The following VAV3 variants were observed in gnomAD, a reference collection of about 807,000 sequenced individuals.
VAV3 encodes guanine nucleotide exchange factor VAV3.
VAV3 carries 94 observed loss-of-function variants against 131.2 expected under a neutral mutation model. That is an observed-to-expected ratio of 0.72 (90% CI 0.61 to 0.85). The LOEUF (loss-of-function observed/expected upper bound fraction) is 0.85, where lower values mean the gene tolerates loss of function less well. Ranked by LOEUF, VAV3 falls within the 40% of genes least tolerant of loss-of-function variation. The pLI is 0.00. For missense variants in VAV3, 939 were observed against 1,002.7 expected, an observed-to-expected ratio of 0.94 and a Z score of 0.86; for synonymous variants, 349 against 342.0, an observed-to-expected ratio of 1.02 and a Z score of -0.22.
chr1:107,726,631 A>C (rs991664433), intron 15 of VAV3, among the ~76,000 whole-genome samples: 3 of 152,186 alleles, frequency 2.0e-5, no homozygotes, highest in African/African-American at 7.2e-5. Flanking sequence ...GTTTACAGTT[A>C]ATTTCTTTGG....
chr1:107,916,882 T>C (rs1384978045), intron 1 of VAV3, among the ~76,000 whole-genome samples: 1 of 152,010 alleles, frequency 6.6e-6, no homozygotes, highest in Non-Finnish European at 1.5e-5. Context: ...GGGCCACAAA[T>C]GATGGTTAGG....
Position 107,898,185 on chromosome 1 carries a change from C to T in VAV3, c.205-23168G>A, listed in dbSNP as rs897736368. Among the ~76,000 whole-genome samples, 33 of 151,834 alleles carry T rather than the reference C, an allele frequency of 2.2e-4. 1 individual carries two copies. The highest frequency in any genetic ancestry group is 9.8e-4 in the Admixed American group (15 of 15,242). The stretch of plus-strand genomic sequence containing the variant: ...AAATATGGGGGAACGAGTATCATCA[C>T]GTGAATACATATATATAATGCATGT... On this transcript the variant is annotated intron_variant, in intron 1 of 26. Coordinates refer to ENST00000370056, the MANE Select transcript of VAV3 (RefSeq NM_006113.5).
intron 15 of VAV3, among the ~76,000 whole-genome samples, chr1:107,725,147 T>A (rs1371586115): frequency 6.6e-6 from 1 of 151,922 alleles, no homozygotes; most frequent in Non-Finnish European, 1.5e-5. Flanking sequence ...GGCATGTCGG[T>A]TTAGAGAGGT....
intron 25 of VAV3, among the ~76,000 whole-genome samples, chr1:107,593,366 A>G (rs1651118625): frequency 1.3e-5 from 2 of 152,088 alleles, no homozygotes; most frequent in Admixed American, 1.3e-4. Flanking sequence ...TTCCAAGGTG[A>G]CTAGATTATT....
intron 19 of VAV3, among the ~76,000 whole-genome samples, chr1:107,657,842 GTGT>G (rs1464336339): frequency 6.6e-6 from 1 of 152,072 alleles, no homozygotes; most frequent in African/African-American, 2.4e-5. Flanking sequence ...TGCTTCACTG[GTGT>G]TGTTAAAAAT....
chr1:107,574,453 G>A (rs1422412133), intron 25 of VAV3, among the ~76,000 whole-genome samples: 9 of 151,806 alleles, frequency 5.9e-5, no homozygotes, highest in Admixed American at 5.9e-4. Flanking sequence ...ATCAAAGTAA[G>A]GACTAGTTTT....
At position 107,907,359 on chromosome 1, in the gene VAV3, G is replaced by A. The variant is rs146676055; in HGVS notation, c.205-32342C>T. Among the ~76,000 whole-genome samples, 443 of 152,208 alleles carry A rather than the reference G, an allele frequency of 2.9e-3. 2 individuals carry two copies. The highest frequency in any genetic ancestry group is 5.3e-3 in the Non-Finnish European group (360 of 67,996). On this transcript the variant is annotated intron_variant, in intron 1 of 26. Coordinates refer to ENST00000370056, the MANE Select transcript of VAV3 (RefSeq NM_006113.5). Reference sequence around the variant, plus strand: ...CTAAAGAGCCATTCAAAAAGATGTTGACAATATCGTAAGTGATAAAAGCAG... The same window carrying A: ...CTAAAGAGCCATTCAAAAAGATGTTAACAATATCGTAAGTGATAAAAGCAG...
chr1:107,595,775 T>G (rs958839619), intron 25 of VAV3, among the ~76,000 whole-genome samples: 1 of 152,156 alleles, frequency 6.6e-6, no homozygotes, highest in African/African-American at 2.4e-5. Flanking sequence ...AATGTCAAAA[T>G]TCTTAAAGTA....
At chr1:107,635,304 G>C (rs1244390471) in intron 20 of VAV3, among the ~76,000 whole-genome samples, 7 of 152,036 alleles carry the variant, frequency 4.6e-5, no homozygotes, top group Admixed American at 4.6e-4. Flanking sequence ...AAAATGATGA[G>C]TTCATGTCCT....
intron 2 of VAV3, among the ~76,000 whole-genome samples, chr1:107,800,646 T>C (rs1666785163): frequency 6.6e-6 from 1 of 152,204 alleles, no homozygotes; most frequent in Non-Finnish European, 1.5e-5. Flanking sequence ...GTAGTGAGCA[T>C]AGTACCCATT....
At chr1:107,700,365 C>T (rs11185163) in intron 17 of VAV3, among the ~76,000 whole-genome samples, 23,235 of 152,112 alleles carry the variant, frequency 0.15, 1,951 homozygotes, top group African/African-American at 0.21. Flanking sequence ...TAGGTAAACG[C>T]GTGCCATGGT....
chr1:107,616,935 T>C (rs1653198224), intron 21 of VAV3, among the ~76,000 whole-genome samples: 1 of 152,180 alleles, frequency 6.6e-6, no homozygotes, highest in Non-Finnish European at 1.5e-5. Context: ...CATATTATGA[T>C]ACTAAAATCA....
intron 20 of VAV3, among the ~76,000 whole-genome samples, chr1:107,631,949 T>C (rs1654526535): frequency 6.6e-6 from 1 of 152,100 alleles, no homozygotes. Context: ...CGTGTGCATG[T>C]ACCTTTATAG....
intron 2 of VAV3, among the ~76,000 whole-genome samples, chr1:107,858,707 T>C (rs761465183): frequency 5.3e-5 from 8 of 152,190 alleles, no homozygotes; most frequent in Non-Finnish European, 7.3e-5. Context: ...ACTCGGTCCA[T>C]GGAAAAATTT....
intron 20 of VAV3, among the ~76,000 whole-genome samples, chr1:107,634,916 C>A (rs533238907): frequency 6.6e-6 from 1 of 151,708 alleles, no homozygotes; most frequent in Non-Finnish European, 1.5e-5. Context: ...AAAACCACAA[C>A]GAGATACCAT....
intron 15 of VAV3, among the ~76,000 whole-genome samples, chr1:107,733,714 A>G (rs1408455454): frequency 6.6e-6 from 1 of 152,226 alleles, no homozygotes; most frequent in Non-Finnish European, 1.5e-5. Flanking sequence ...AGAAACAAAC[A>G]AAGCCTCCAA....
chr1:107,870,812 G>T (rs1038948436), intron 2 of VAV3, among the ~76,000 whole-genome samples: 1 of 152,006 alleles, frequency 6.6e-6, no homozygotes, highest in Non-Finnish European at 1.5e-5. Flanking sequence ...CCTACCACTG[G>T]CCAGGTATGG....
chr1:107,757,157 G>GTC lies in VAV3; in HGVS notation c.1086+103_1086+104insGA, dbSNP rs1664151927. 10 of 243,306 alleles carry GTC rather than the reference G, an allele frequency of 4.1e-5. No individual in the cohort carries two copies. In the South Asian group the frequency reaches 6.5e-4, roughly 16 times the overall value. 15.1% of individuals were successfully genotyped at this position (243,306 alleles called of 1,614,324 possible). On this transcript the variant is annotated intron_variant, in intron 11 of 26. Coordinates refer to ENST00000370056, the MANE Select transcript of VAV3 (RefSeq NM_006113.5). ...TGTGTATATATATGTGTGTATATGT[G>GTC]TGTGTGTGTGTGTGTGTGTGTGTGT...
chr1:107,838,482 A>G (rs1337142921), intron 2 of VAV3, among the ~76,000 whole-genome samples: 1 of 152,196 alleles, frequency 6.6e-6, no homozygotes, highest in Non-Finnish European at 1.5e-5. Flanking sequence ...AAAAGAGAAC[A>G]CTTTTACACT....
Sources: allele counts gnomAD v4.1 joint callset (sites outside exome capture counted in the v4.1 genomes callset), GRCh38; gene constraint gnomAD v4.1.1; transcripts MANE v1.5; gene names NCBI Gene and HGNC (gene_info 2026-07-23, HGNC 2026-07-21).